MBNL1: variants seen among roughly 807,000 people sequenced by gnomAD.
The protein encoded by MBNL1 is muscleblind-like protein 1.
A neutral mutation model predicts 42.2 loss-of-function variants in MBNL1; 8 were observed. The observed-to-expected ratio is 0.19, with a 90% CI of 0.11 to 0.34. The LOEUF (loss-of-function observed/expected upper bound fraction) is 0.34. Among genes scored for constraint, MBNL1 ranks in the 10% least tolerant of loss-of-function variants. The pLI is 1.00. For missense variants in MBNL1, 309 were observed against 495.3 expected, an observed-to-expected ratio of 0.62 and a Z score of 3.57; for synonymous variants, 169 against 173.9, an observed-to-expected ratio of 0.97 and a Z score of 0.22.
At chr3:152,382,500 G>A (rs751931785) in intron 2 of MBNL1, among the ~76,000 whole-genome samples, 12 of 152,016 alleles carry the variant, frequency 7.9e-5, no homozygotes, top group African/African-American at 1.9e-4. Context: ...AATTTGAAGC[G>A]TGAAAAAGAA....
chr3:152,376,107 A>T (rs1191343453), intron 2 of MBNL1, among the ~76,000 whole-genome samples: 1 of 152,126 alleles, frequency 6.6e-6, no homozygotes, highest in African/African-American at 2.4e-5. Flanking sequence ...TATCATACCC[A>T]TGGTATCTTA....
At chr3:152,258,049 T>C (rs149562518) in intron 2 of MBNL1, among the ~76,000 whole-genome samples, 1 of 152,274 alleles carries the variant, frequency 6.6e-6, no homozygotes, top group Non-Finnish European at 1.5e-5. Flanking sequence ...AATTACATCC[T>C]ACCTAATATA....
At chr3:152,266,825 C>T (rs2037309029), upstream of MBNL1, 1 of 152,400 alleles carries the variant, frequency 6.6e-6, no homozygotes, top group South Asian at 2.1e-4. Flanking sequence ...TGTCCACACC[C>T]ATTCACCCCT....
chr3:152,307,242 G>A (rs1340759324), intron 2 of MBNL1, among the ~76,000 whole-genome samples: 1 of 152,176 alleles, frequency 6.6e-6, no homozygotes, highest in Non-Finnish European at 1.5e-5. Flanking sequence ...GCCCGCCTTG[G>A]CCTTCCAAAG....
rs576769500 is a variant in MBNL1 at position 152,440,383 on chromosome 3, G to A, written c.550-4899G>A. Among the ~76,000 whole-genome samples, 17 of 152,302 alleles carry A rather than the reference G, an allele frequency of 1.1e-4. No homozygotes were observed. The South Asian group carries it at 3.5e-3, about 32-fold the overall frequency. On this transcript the variant is annotated intron_variant, in intron 4 of 9. Coordinates refer to ENST00000324210, the MANE Select transcript of MBNL1 (RefSeq NM_021038.5). ...ACTTACAGTTCCACATGGCTAGGGAGACCTCACAATCATGGCAGAAGGCGG... is the reference window on the plus strand; with the variant it reads ...ACTTACAGTTCCACATGGCTAGGGAAACCTCACAATCATGGCAGAAGGCGG...
chr3:152,440,103 A>C (rs570609639), intron 4 of MBNL1, among the ~76,000 whole-genome samples: 10 of 152,326 alleles, frequency 6.6e-5, no homozygotes, highest in Non-Finnish European at 1.3e-4. Context: ...CTATAGAAGC[A>C]TGCTTGTGTT....
At chr3:152,356,881 T>G (rs1018558195) in intron 2 of MBNL1, among the ~76,000 whole-genome samples, 1 of 66,706 alleles carries the variant, frequency 1.5e-5, no homozygotes, top group Admixed American at 1.4e-4. Flanking sequence ...GTGTGTGTGT[T>G]CTTACTGTAA....
At chr3:152,364,295 GTGTGATTTACAATAACTT>G (rs2096215800) in intron 2 of MBNL1, among the ~76,000 whole-genome samples, 2 of 152,062 alleles carry the variant, frequency 1.3e-5, no homozygotes, top group African/African-American at 4.8e-5. Context: ...TGTAGCTATA[GTGTGATTTACAATAACTT>G]TGTGTTTTTG....
chr3:152,282,612 C>A (rs1267050707), intron 1 of MBNL1, among the ~76,000 whole-genome samples: 1 of 151,622 alleles, frequency 6.6e-6, no homozygotes, highest in Non-Finnish European at 1.5e-5. Context: ...TTGGCCATTG[C>A]AGAAATAGTG....
chr3:152,356,379 A>G (rs1235169962), intron 2 of MBNL1, among the ~76,000 whole-genome samples: 1 of 152,198 alleles, frequency 6.6e-6, no homozygotes, highest in Non-Finnish European at 1.5e-5. Flanking sequence ...TATCGACCAG[A>G]ATCTGCTTCT....
At position 152,399,785 on chromosome 3, in the gene MBNL1, G is replaced by A. The variant is rs189324778; in HGVS notation, c.175-15156G>A. Among the ~76,000 whole-genome samples, 8 of 152,276 alleles carry A rather than the reference G, an allele frequency of 5.3e-5. No homozygotes were observed. In the East Asian group the frequency reaches 1.5e-3, roughly 29 times the overall value. On this transcript the variant is annotated intron_variant, in intron 2 of 9. Coordinates refer to ENST00000324210, the MANE Select transcript of MBNL1 (RefSeq NM_021038.5). ...CCCAAAGTACTGGGATTACAGGCATGAGCCACTGCACCCACCCATTCTTAT... is the reference window on the plus strand; with the variant it reads ...CCCAAAGTACTGGGATTACAGGCATAAGCCACTGCACCCACCCATTCTTAT...
chr3:152,342,527 C>T (rs1017134289), intron 2 of MBNL1, among the ~76,000 whole-genome samples: 3 of 149,088 alleles, frequency 2.0e-5, no homozygotes, highest in African/African-American at 7.6e-5. Context: ...TCAGGCCCAA[C>T]TCTGTCTTAC....
chr3:152,447,552 G>T (rs1259360481), intron 5 of MBNL1, 68 bp from the exon 6 acceptor site: 3 of 1,282,836 alleles, frequency 2.3e-6, no homozygotes, highest in African/African-American at 1.5e-5. Flanking sequence ...TTTAGCCTTC[G>T]ACTGATTTTT....
At chr3:152,307,803 G>T (rs546147004) in intron 2 of MBNL1, among the ~76,000 whole-genome samples, 4 of 152,208 alleles carry the variant, frequency 2.6e-5, no homozygotes, top group African/African-American at 9.6e-5. Flanking sequence ...CAGTACTTAA[G>T]AATAAAAATG....
intron 2 of MBNL1, among the ~76,000 whole-genome samples, chr3:152,256,462 C>A (rs1167353939): frequency 2.6e-5 from 4 of 152,108 alleles, no homozygotes; most frequent in African/African-American, 4.8e-5. Flanking sequence ...TTATTGTTCC[C>A]AAATCCCAGT....
At chr3:152,397,209 TTTATTA>T (rs904280033) in intron 2 of MBNL1, among the ~76,000 whole-genome samples, 7 of 152,030 alleles carry the variant, frequency 4.6e-5, no homozygotes, top group African/African-American at 1.7e-4. Context: ...TGAGAATATG[TTTATTA>T]TTATTATTAT....
chr3:152,371,619 T>C (rs1485349144), intron 2 of MBNL1, among the ~76,000 whole-genome samples: 1 of 152,142 alleles, frequency 6.6e-6, no homozygotes, highest in Non-Finnish European at 1.5e-5. Context: ...GAATGTTGAA[T>C]ATTGGCCCGC....
intron 2 of MBNL1, among the ~76,000 whole-genome samples, chr3:152,395,900 G>T (rs551380049): frequency 1.4e-3 from 210 of 152,326 alleles, no homozygotes; most frequent in African/African-American, 4.8e-3. Flanking sequence ...AGTCAGCTGT[G>T]TTATAGAGGA....
At chr3:152,257,053 T>C (rs890736928) in intron 2 of MBNL1, among the ~76,000 whole-genome samples, 4 of 152,194 alleles carry the variant, frequency 2.6e-5, no homozygotes, top group African/African-American at 9.7e-5. Context: ...ATGTGCTATT[T>C]AAGCAATGCA....
Sources: allele counts gnomAD v4.1 joint callset (sites outside exome capture counted in the v4.1 genomes callset), GRCh38; gene constraint gnomAD v4.1.1; transcripts MANE v1.5; gene names NCBI Gene and HGNC (gene_info 2026-07-23, HGNC 2026-07-21).